The following OLA1 variants were observed in gnomAD, a reference collection of about 807,000 sequenced individuals.
OLA1 encodes the protein obg-like ATPase 1.
Under a neutral mutation model 48.4 loss-of-function variants are expected in OLA1, and 14 were observed. The ratio of observed to expected loss-of-function variants is 0.29; its 90% CI spans 0.19 to 0.45. The LOEUF is 0.45. Ranked by LOEUF, OLA1 falls within the 20% of genes least tolerant of loss-of-function variation. The probability of loss-of-function intolerance (pLI) is 1.00; values close to 1 mark genes in which losing one functional copy is unlikely to be tolerated. For synonymous variants in OLA1, 127 were observed against 150.4 expected, an observed-to-expected ratio of 0.84 and a Z score of 1.14; for missense variants, 325 against 467.1, an observed-to-expected ratio of 0.70 and a Z score of 2.80.
intron 7 of OLA1, among the ~76,000 whole-genome samples, chr2:174,110,205 C>G (rs536129642): frequency 1.5e-4 from 23 of 149,844 alleles, no homozygotes; most frequent in Admixed American, 8.1e-4. Context: ...GGTTCGATCT[C>G]CGCTCACTGC....
intron 4 of OLA1, among the ~76,000 whole-genome samples, chr2:174,191,256 C>A (rs1687771114): frequency 1.3e-5 from 2 of 152,110 alleles, no homozygotes; most frequent in Admixed American, 1.3e-4. Context: ...TATGTATATA[C>A]AGAAAAATAA....
chr2:174,215,413 T>A (rs1688342821), intron 4 of OLA1, among the ~76,000 whole-genome samples: 3 of 152,314 alleles, frequency 2.0e-5, no homozygotes, highest in South Asian at 4.1e-4. Flanking sequence ...ATCCTTGAAC[T>A]TAGGTTTGAA....
intron 7 of OLA1, among the ~76,000 whole-genome samples, chr2:174,113,518 AAT>A (rs1487676090): frequency 1.1e-4 from 16 of 152,202 alleles, no homozygotes; most frequent in African/African-American, 3.6e-4. Context: ...GCCTCTTAAC[AAT>A]GTTATTAAAT....
chr2:174,125,278 A>C (rs949905750), intron 5 of OLA1, among the ~76,000 whole-genome samples: 1 of 152,238 alleles, frequency 6.6e-6, no homozygotes. Context: ...GGCCACCTGC[A>C]AATTCTGAAT....
intron 3 of OLA1, among the ~76,000 whole-genome samples, chr2:174,228,612 A>G (rs1688662966): frequency 6.6e-6 from 1 of 152,162 alleles, no homozygotes; most frequent in Non-Finnish European, 1.5e-5. Context: ...TTAATTGAAG[A>G]CATAATACAT....
chr2:174,177,524 AAGGAAAATATGAATTCTGAAT>A (rs1490060725), intron 4 of OLA1, among the ~76,000 whole-genome samples: 1 of 152,152 alleles, frequency 6.6e-6, no homozygotes, highest in Non-Finnish European at 1.5e-5. Context: ...CCTTCTGTTC[AAGGAAAATATGAATTCTGAAT>A]ATTGACATGC....
intron 2 of OLA1, among the ~76,000 whole-genome samples, chr2:174,236,963 A>G (rs1668210916): frequency 6.6e-6 from 1 of 152,220 alleles, no homozygotes. Context: ...TGAACATTGT[A>G]CATTCAGGAT....
At chr2:174,240,940 A>C (rs1688985528) in intron 2 of OLA1, among the ~76,000 whole-genome samples, 1 of 151,806 alleles carries the variant, frequency 6.6e-6, no homozygotes, top group Non-Finnish European at 1.5e-5. Flanking sequence ...ATTTTTTGTC[A>C]CTCCTCCCAT....
At chr2:174,147,547 T>C (rs1326371701) in intron 4 of OLA1, among the ~76,000 whole-genome samples, 1 of 152,182 alleles carries the variant, frequency 6.6e-6, no homozygotes, top group South Asian at 2.1e-4. Context: ...AAAACCATAC[T>C]TGAGGTTCAG....
chr2:174,142,173 G>A (rs1408221421), intron 4 of OLA1, among the ~76,000 whole-genome samples, 173 bp from the exon 5 acceptor site: 2 of 152,026 alleles, frequency 1.3e-5, no homozygotes, highest in African/African-American at 2.4e-5. Flanking sequence ...TGAGGCTACT[G>A]GCAATAAAAC....
intron 5 of OLA1, among the ~76,000 whole-genome samples, chr2:174,134,656 C>A (rs1378983838): frequency 6.6e-6 from 1 of 151,984 alleles, no homozygotes; most frequent in Admixed American, 6.6e-5. Flanking sequence ...ATAATAAAGG[C>A]ACAAAGTTCC....
At chr2:174,216,930 T>C (rs1688373908) in intron 4 of OLA1, among the ~76,000 whole-genome samples, 1 of 152,210 alleles carries the variant, frequency 6.6e-6, no homozygotes, top group East Asian at 1.9e-4. Context: ...ACAAGATGTG[T>C]GTTAATAGTT....
At chr2:174,203,981 G>A (rs983632802) in intron 4 of OLA1, among the ~76,000 whole-genome samples, 1 of 151,572 alleles carries the variant, frequency 6.6e-6, no homozygotes, top group African/African-American at 2.4e-5. Context: ...TTTTAGTAGA[G>A]ACGAGGTCTC....
chr2:174,205,427 A>C (rs1238998515), intron 4 of OLA1, among the ~76,000 whole-genome samples: 1 of 152,196 alleles, frequency 6.6e-6, no homozygotes, highest in Non-Finnish European at 1.5e-5. Flanking sequence ...GAAATCTATA[A>C]AGTAATCCCT....
chr2:174,093,198 C>T (rs1574476786), intron 7 of OLA1, among the ~76,000 whole-genome samples: 1 of 152,246 alleles, frequency 6.6e-6, no homozygotes, highest in East Asian at 1.9e-4. Context: ...CCTGTAATCC[C>T]AGCATTTTGG....
chr2:174,210,880 C>T (rs1688225048), intron 4 of OLA1, among the ~76,000 whole-genome samples: 1 of 152,076 alleles, frequency 6.6e-6, no homozygotes, highest in Admixed American at 6.6e-5. Flanking sequence ...ATCATTCTTA[C>T]CTTTGAAAAA....
chr2:174,100,094 A>G (rs912139406), intron 7 of OLA1, among the ~76,000 whole-genome samples: 1 of 152,244 alleles, frequency 6.6e-6, no homozygotes, highest in Non-Finnish European at 1.5e-5. Flanking sequence ...AAAAGTAAAT[A>G]ACCAAAGCAA....
At chr2:174,238,362 C>T (rs891016415) in intron 2 of OLA1, among the ~76,000 whole-genome samples, 3 of 151,762 alleles carry the variant, frequency 2.0e-5, no homozygotes, top group Non-Finnish European at 2.9e-5. Context: ...CTGGTGGTGG[C>T]GCATGCCTAT....
rs1684864899 is a variant in OLA1, at chr2:174,081,972, A to G, written c.821T>C (p.Leu274Ser). 1 of 1,613,280 alleles carries G rather than the reference A, an allele frequency of 6.2e-7. No homozygotes were observed. The highest frequency in any genetic ancestry group is 1.7e-5 in the Admixed American group (1 of 59,988). Residue 274 changes from leucine to serine, a missense_variant, in exon 8 of 11, where the codon TTG becomes TCG. Coordinates refer to ENST00000284719, the MANE Select transcript of OLA1 (RefSeq NM_013341.5). ...SGALELKLQE[L>S]SAEERQKYLE... ...ATACTTCTGTCTCTCCTCAGCACTC[A>G]ATTCTTGCAACTTGAGTTCCAAGGC...
Sources: allele counts gnomAD v4.1 joint callset (sites outside exome capture counted in the v4.1 genomes callset), GRCh38; gene constraint gnomAD v4.1.1; transcripts MANE v1.5; gene names NCBI Gene and HGNC (gene_info 2026-07-23, HGNC 2026-07-21).